The following DOCK4 variants were observed in gnomAD, a reference collection of about 807,000 sequenced individuals.
The protein encoded by DOCK4 is dedicator of cytokinesis 4, also known as dedicator of cytokinesis protein 4.
Under a neutral mutation model 268.1 loss-of-function variants are expected in DOCK4, and 97 were observed. The observed-to-expected ratio is 0.36, with a 90% CI of 0.31 to 0.43. The LOEUF (loss-of-function observed/expected upper bound fraction) is 0.43, where lower values mean the gene tolerates loss of function less well. Among genes scored for constraint, DOCK4 ranks in the 20% least tolerant of loss-of-function variants. The probability of loss-of-function intolerance (pLI) is 1.00; values close to 1 mark genes in which losing one functional copy is unlikely to be tolerated. For synonymous variants in DOCK4, 954 were observed against 887.2 expected, an observed-to-expected ratio of 1.08 and a Z score of -1.34; for missense variants, 2,145 against 2,455.7, an observed-to-expected ratio of 0.87 and a Z score of 2.67.
chr7:112,151,753 T>C (rs1046839515), intron 1 of DOCK4, among the ~76,000 whole-genome samples: 22 of 133,938 alleles, frequency 1.6e-4, no homozygotes, highest in Non-Finnish European at 2.8e-4. Flanking sequence ...CAGCAAGAAG[T>C]AGAGATGTGG....
intron 25 of DOCK4, among the ~76,000 whole-genome samples, chr7:111,841,773 C>A (rs1425789847): frequency 6.6e-6 from 1 of 152,058 alleles, no homozygotes; most frequent in Non-Finnish European, 1.5e-5. Context: ...CCTGCCCTAC[C>A]CCACCTCCAC....
At chr7:111,796,409 G>A (rs1172981456) in intron 30 of DOCK4, among the ~76,000 whole-genome samples, 3 of 152,298 alleles carry the variant, frequency 2.0e-5, no homozygotes, top group African/African-American at 7.2e-5. Context: ...GCAGTACATT[G>A]CAGCTTTGCA....
intron 8 of DOCK4, among the ~76,000 whole-genome samples, chr7:111,973,513 A>G (rs1416969524): frequency 6.6e-6 from 1 of 152,188 alleles, no homozygotes; most frequent in African/African-American, 2.4e-5. Flanking sequence ...AAATTTACTT[A>G]TAAGACTTAT....
chr7:112,095,787 A>T (rs535380209), intron 1 of DOCK4, among the ~76,000 whole-genome samples: 2 of 128,712 alleles, frequency 1.6e-5, no homozygotes, highest in South Asian at 5.2e-4. Context: ...ATAAATGGGT[A>T]TAATGTCTTT....
At chr7:111,858,668 T>C (rs1805217701) in intron 23 of DOCK4, among the ~76,000 whole-genome samples, 1 of 152,216 alleles carries the variant, frequency 6.6e-6, no homozygotes, top group Non-Finnish European at 1.5e-5. Flanking sequence ...ACTGAAACTA[T>C]ATCATCAGTT....
At chr7:111,882,468 A>C (rs553381788) in intron 16 of DOCK4, among the ~76,000 whole-genome samples, 3 of 152,356 alleles carry the variant, frequency 2.0e-5, no homozygotes, top group African/African-American at 7.2e-5. Context: ...CGCTCAGATG[A>C]TTCTGATTAT....
At position 111,944,825 on chromosome 7, in the gene DOCK4, T is replaced by C; in HGVS notation, c.830A>G (p.His277Arg). ...ELRKDIYITV[H>R]IIRIGRMGAG... Reference sequence around the variant, plus strand: ...GTTATACCTACCGATTCGGATAATGTGCACGGTGATATAAATGTCCTTTCT... The same window carrying C: ...GTTATACCTACCGATTCGGATAATGCGCACGGTGATATAAATGTCCTTTCT... The change falls in exon 10 of 53, where the codon CAC (histidine) becomes CGC (arginine). Residue 277 changes from histidine to arginine, a missense_variant. This residue lies in a region of DOCK4 where 1,598 missense variants were observed against 1,986.7 expected (regional missense o/e 0.80). Coordinates refer to ENST00000428084, the MANE Select transcript of DOCK4 (RefSeq NM_001363540.2). 1 of 1,613,950 alleles carries C rather than the reference T, an allele frequency of 6.2e-7. No individual in the cohort carries two copies. The highest frequency in any genetic ancestry group is 8.5e-7 in the Non-Finnish European group (1 of 1,179,846).
At chr7:112,053,615 A>C (rs1016175900) in intron 1 of DOCK4, among the ~76,000 whole-genome samples, 2 of 152,212 alleles carry the variant, frequency 1.3e-5, no homozygotes, top group African/African-American at 2.4e-5. Context: ...ACACTTGACA[A>C]TACTCAACTT....
intron 1 of DOCK4, among the ~76,000 whole-genome samples, chr7:112,070,683 T>TA (rs892544316): frequency 8.0e-5 from 12 of 150,242 alleles, no homozygotes; most frequent in Admixed American, 2.0e-4. Flanking sequence ...AATGAACCAC[T>TA]AAAAAAAAAC....
At position 111,742,105 on chromosome 7, in the gene DOCK4, C is replaced by T. The variant is rs985782302; in HGVS notation, c.4705G>A (p.Val1569Met). ...QAQILEFGLA[V>M]HEKFVPQDMR... Reference sequence around the variant, plus strand: ...TCTTGAGGTACAAACTTCTCATGCACGGCCAAACCAAATTCCAGAATCTGT... The same window carrying T: ...TCTTGAGGTACAAACTTCTCATGCATGGCCAAACCAAATTCCAGAATCTGT... The change falls in exon 45 of 53, where the codon GTG (valine) becomes ATG (methionine). Residue 1569 changes from valine to methionine, a missense_variant. By Grantham distance (21) the Val-to-Met change is conservative. Transcript: ENST00000428084. 40 of 1,596,956 alleles carry T rather than the reference C, an allele frequency of 2.5e-5. No individual in the cohort carries two copies. Among genetic ancestry groups the T allele is most frequent in the East Asian group, 4.5e-5 (2 of 44,474 alleles).
chr7:111,792,431 G>A (rs1176781999), intron 30 of DOCK4, among the ~76,000 whole-genome samples: 3 of 152,130 alleles, frequency 2.0e-5, no homozygotes, highest in Non-Finnish European at 4.4e-5. Context: ...CGCCCAGGCT[G>A]GAGTGCAATG....
chr7:111,825,480 T>C (rs879612794), intron 26 of DOCK4, among the ~76,000 whole-genome samples: 2 of 152,038 alleles, frequency 1.3e-5, no homozygotes, highest in Admixed American at 6.6e-5. Context: ...TTTGCATAGA[T>C]AGATGTGGTT....
chr7:111,935,735 T>A, intron 11 of DOCK4, 107 bp from the exon 12 acceptor site: 6 of 920,404 alleles, frequency 6.5e-6, no homozygotes, highest in Non-Finnish European at 1.0e-5. Context: ...ATGTACCTCC[T>A]TGAGGTCCCC....
chr7:111,895,833 A>C, intron 15 of DOCK4, 115 bp from the exon 16 acceptor site: 3 of 923,800 alleles, frequency 3.2e-6, no homozygotes, highest in Non-Finnish European at 5.1e-6. Flanking sequence ...CCACTACACA[A>C]TGCAGCACAG....
intron 20 of DOCK4, 131 bp downstream of exon 20, chr7:111,871,859 T>A: frequency 1.7e-6 from 1 of 580,070 alleles, no homozygotes; most frequent in South Asian, 4.6e-5. Context: ...GAAGAGACTA[T>A]CTCAAGAGAC....
chr7:111,790,533 T>C lies in DOCK4; in HGVS notation c.3239A>G (p.Asp1080Gly), dbSNP rs1184619611. 3.1e-6 allele frequency: 5 copies of C among 1,613,908 alleles called. No homozygotes were observed. ...AATTGGAATCATGACATTCCGAAGA[T>C]CTGGCTGGGGTATCAAGGTCACTTC... ...FLEVTLIPQP[D>G]LRNVMIPIFH... Residue 1080 changes from aspartate (D) to glycine (G), a missense_variant, in exon 31 of 53, where the codon GAT becomes GGT. Around this residue, in one of 2 missense-constraint regions of DOCK4, gnomAD observed 1,598 missense variants for 1,986.7 expected, o/e 0.80. Coordinates refer to ENST00000428084, the MANE Select transcript of DOCK4 (RefSeq NM_001363540.2).
At chr7:111,867,358 A>T (rs1196391387) in intron 22 of DOCK4, among the ~76,000 whole-genome samples, 1 of 152,212 alleles carries the variant, frequency 6.6e-6, no homozygotes, top group Non-Finnish European at 1.5e-5. Context: ...AAAGTATACA[A>T]GAAGAATCAA....
intron 13 of DOCK4, among the ~76,000 whole-genome samples, chr7:111,914,556 G>A (rs1008384245): frequency 6.6e-6 from 1 of 152,076 alleles, no homozygotes; most frequent in Non-Finnish European, 1.5e-5. Context: ...AACAAGCCAC[G>A]ATTCTATGGC....
chr7:111,849,089 C>T (rs756009751), intron 23 of DOCK4, among the ~76,000 whole-genome samples: 24 of 152,282 alleles, frequency 1.6e-4, no homozygotes, highest in Non-Finnish European at 2.6e-4. Flanking sequence ...AGTGCTTTCT[C>T]GCTTTAATAA....
Sources: allele counts gnomAD v4.1 joint callset (sites outside exome capture counted in the v4.1 genomes callset), GRCh38; gene constraint gnomAD v4.1.1; regional missense constraint gnomAD v4.1.1; transcripts MANE v1.5; gene names NCBI Gene and HGNC (gene_info 2026-07-23, HGNC 2026-07-21).